The following SEMA3B variants were observed in gnomAD, a reference collection of about 807,000 sequenced individuals.
SEMA3B encodes semaphorin-3B.
SEMA3B carries 71 observed loss-of-function variants against 77.8 expected under a neutral mutation model. That is an observed-to-expected ratio of 0.91 (90% CI 0.75 to 1.11). SEMA3B has a LOEUF of 1.11. Ranked by LOEUF, SEMA3B falls within the 50% of genes most tolerant of loss-of-function variation. The pLI, the probability that SEMA3B is intolerant of heterozygous loss-of-function variation, is 0.00. For synonymous variants in SEMA3B, 470 were observed against 452.9 expected (o/e 1.04, Z -0.48); for missense variants, 968 against 1,056.8 (o/e 0.92, Z 1.17).
Position 50,276,263 on chromosome 3 carries a change from G to T in SEMA3B, c.1846-39G>T. On this transcript the variant is annotated intron_variant, in intron 16 of 16. Transcript: ENST00000616701. This position sits in a 1 kb window ranked among gnomAD's most constrained non-coding sequence, Gnocchi z 5.8. Reference sequence around the variant, plus strand: ...GCTAGGGCCCGGAAGCCCTGTTCCCGGCCCGACACCCCCGCCTCACGCTGC... The same window carrying T: ...GCTAGGGCCCGGAAGCCCTGTTCCCTGCCCGACACCCCCGCCTCACGCTGC... 6.9e-7 allele frequency: 1 copy of T among 1,441,954 alleles called. No homozygotes were observed. Among genetic ancestry groups the T allele is most frequent in the Non-Finnish European group, 9.1e-7 (1 of 1,102,136 alleles). The allele number at this position is 1,441,954 out of a possible 1,614,324, so 89.3% of individuals were successfully genotyped here.
rs1553706814 is a variant in SEMA3B at position 50,276,497 on chromosome 3, G to A, written c.2041G>A (p.Ala681Thr). 3 of 1,531,194 alleles carry A rather than the reference G, an allele frequency of 2.0e-6. No individual in the cohort carries two copies. The Admixed American group carries it at 5.9e-5, about 30-fold the overall frequency. 94.9% of individuals were successfully genotyped at this position (1,531,194 alleles called of 1,614,324 possible). A position where few individuals can be genotyped will look rare whatever the true frequency, so the allele number is the denominator to read the frequency against. ...LARAEEAAPAAPPGPKLWYRD... is the reference protein window; with the variant it reads ...LARAEEAAPATPPGPKLWYRD... ...GCGGGCCGAGGAGGCTGCGCCCGCC[G>A]CGCCGCCGGGCCCCAAACTCTGGTA... The change falls in exon 17 of 17, where the codon GCG becomes ACG. Residue 681 changes from alanine (A) to threonine (T), a missense_variant. Coordinates refer to ENST00000616701, the MANE Select transcript of SEMA3B (RefSeq NM_001290060.2). This position sits in a 1 kb window ranked among gnomAD's most constrained non-coding sequence, Gnocchi z 5.8.
chr3:50,276,669 G>C lies in SEMA3B; in HGVS notation c.2213G>C (p.Arg738Pro), dbSNP rs781871958. ...RNRRTHAPEP[R>P]AERGPRSATH... Reference sequence around the variant, plus strand: ...CGGAGGACCCACGCCCCTGAGCCTCGCGCTGAGCGGGGGCCGCGCAGCGCA... The same window carrying C: ...CGGAGGACCCACGCCCCTGAGCCTCCCGCTGAGCGGGGGCCGCGCAGCGCA... The change falls in exon 17 of 17, where the codon CGC becomes CCC. Residue 738 changes from arginine (R) to proline (P), a missense_variant. Arg to Pro is a moderately radical substitution (Grantham distance 103). Coordinates refer to ENST00000616701, the MANE Select transcript of SEMA3B (RefSeq NM_001290060.2). The surrounding 1 kb of genome is among the most constrained non-coding windows in gnomAD (Gnocchi z 5.8). 15 of 1,570,820 alleles carry C rather than the reference G, an allele frequency of 9.5e-6. No individual in the cohort carries two copies. In the Admixed American group the frequency reaches 2.8e-4, roughly 29 times the overall value.
At chr3:50,272,035 G>T (rs1701067933) in intron 6 of SEMA3B, among the ~76,000 whole-genome samples, 1 of 152,200 alleles carries the variant, frequency 6.6e-6, no homozygotes, top group Non-Finnish European at 1.5e-5. Context: ...CCAGCACTTT[G>T]GGAGGCTGAG....
chr3:50,273,908 T>G lies in SEMA3B; in HGVS notation c.993-5T>G. On this transcript the variant is annotated splice_polypyrimidine_tract_variant and splice_region_variant and intron_variant, in intron 9 of 16. Transcript: ENST00000616701. The surrounding 1 kb of genome is among the most constrained non-coding windows in gnomAD (Gnocchi z 6.5). ...CCCTCACCTCGCCCTGGTCTTCGCC[T>G]CCAGCAGCATCTTCCAGGGCTCTGC... 6.3e-7 allele frequency: 1 copy of G among 1,597,334 alleles called. No individual in the cohort carries two copies. The highest frequency in any genetic ancestry group is 1.1e-5 in the South Asian group (1 of 90,230).
In SEMA3B at chr3:50,273,530, G is replaced by A; in HGVS notation, c.811-5G>A. 4 of 1,612,214 alleles carry A rather than the reference G, an allele frequency of 2.5e-6. No individual in the cohort carries two copies. Among genetic ancestry groups the A allele is most frequent in the Non-Finnish European group, 3.4e-6 (4 of 1,178,942 alleles). ...CGCCCTCATCCCCTTTGATCGTCCC[G>A]GCAGAACGACGTGGGCGGCCAGCGC... On this transcript the variant is annotated splice_region_variant and splice_polypyrimidine_tract_variant and intron_variant, in intron 7 of 16. Coordinates refer to ENST00000616701, the MANE Select transcript of SEMA3B (RefSeq NM_001290060.2). This position sits in a 1 kb window ranked among gnomAD's most constrained non-coding sequence, Gnocchi z 6.5.
In SEMA3B at chr3:50,269,550, G is replaced by A. The variant is rs1259816244; in HGVS notation, c.109+201G>A. Among the ~76,000 whole-genome samples, 4 of 152,152 alleles carry A rather than the reference G, an allele frequency of 2.6e-5. No individual in the cohort carries two copies. Among genetic ancestry groups the A allele is most frequent in the African/African-American group, 4.8e-5 (2 of 41,416 alleles). On this transcript the variant is annotated intron_variant, in intron 1 of 16. Coordinates refer to ENST00000616701, the MANE Select transcript of SEMA3B (RefSeq NM_001290060.2). The surrounding 1 kb of genome is among the most constrained non-coding windows in gnomAD (Gnocchi z 4.0). ...CCCAGCCTCTGCCCACATTCTCTTC[G>A]TGCTTTCTCAGGAAGACCCCTCCTG...
Position 50,273,348 on chromosome 3 carries a change from G to A in SEMA3B, c.715G>A (p.Asp239Asn). The A allele has an allele frequency of 6.2e-7, 1 of 1,614,006 alleles. No individual in the cohort carries two copies. The highest frequency in any genetic ancestry group is 1.1e-5 in the South Asian group (1 of 91,090). The change falls in exon 7 of 17, where the codon GAC becomes AAC. Residue 239 changes from aspartate to asparagine, a missense_variant. Asp to Asn is a conservative substitution (Grantham distance 23, BLOSUM62 1). Transcript: ENST00000616701. The surrounding 1 kb of genome is among the most constrained non-coding windows in gnomAD (Gnocchi z 6.5). ...FWIPESENPD[D>N]DKIYFFFRET... ...GATCCCGGAGAGCGAGAACCCAGAC[G>A]ACGACAAAATCTACTTCTTCTTTCG...
chr3:50,271,645 G>A (rs906645701), intron 6 of SEMA3B, among the ~76,000 whole-genome samples, 165 bp downstream of exon 6: 7 of 152,112 alleles, frequency 4.6e-5, no homozygotes, highest in African/African-American at 1.7e-4. Flanking sequence ...AGGTATGACC[G>A]TGACCTCTTT....
Position 50,276,360 on chromosome 3 carries a change from G to A in SEMA3B, c.1904G>A (p.Arg635Gln). The change falls in exon 17 of 17, where the codon CGG becomes CAG. Residue 635 changes from arginine (R) to glutamine (Q), a missense_variant. Physicochemically the swap from Arg to Gln is conservative, Grantham distance 43. Transcript: ENST00000616701. This position sits in a 1 kb window ranked among gnomAD's most constrained non-coding sequence, Gnocchi z 5.8. ...CGGGGACTACTGCTGCGCAGGCTGC[G>A]GCGCCGGGACTCGGGCGTGTACTTG... ...TARGLLLRRL[R>Q]RRDSGVYLCA... is the part of the protein sequence containing the mutation. 1 of 1,534,084 alleles carries A rather than the reference G, an allele frequency of 6.5e-7. No homozygotes were observed. The highest frequency in any genetic ancestry group is 8.7e-7 in the Non-Finnish European group (1 of 1,144,856).
rs1701111306 is a variant in SEMA3B, at chr3:50,273,344, A to AGAC, written c.718_720dup (p.Asp240dup). On this transcript the variant is annotated inframe_insertion, in exon 7 of 17. Transcript: ENST00000616701. This position sits in a 1 kb window ranked among gnomAD's most constrained non-coding sequence, Gnocchi z 6.5. ...TTTGGATCCCGGAGAGCGAGAACCCAGACGACGACAAAATCTACTTCTTCT... is the reference window on the plus strand; with the variant it reads ...TTTGGATCCCGGAGAGCGAGAACCCAGACGACGACGACAAAATCTACTTCTTCT... 4.3e-6 allele frequency: 7 copies of AGAC among 1,614,018 alleles called. No individual in the cohort carries two copies. The highest frequency in any genetic ancestry group is 5.9e-6 in the Non-Finnish European group (7 of 1,179,876).
upstream of SEMA3B, among the ~76,000 whole-genome samples, chr3:50,264,484 C>T (rs1055635392): frequency 2.0e-5 from 3 of 152,136 alleles, no homozygotes; most frequent in Non-Finnish European, 4.4e-5. Context: ...CCAGCTAGGG[C>T]CACGGGGTCG....
chr3:50,263,450 G>C (rs1553704149), upstream of SEMA3B: 1 of 128,190 alleles, frequency 7.8e-6, no homozygotes, highest in East Asian at 2.6e-4. Context: ...TGTGGGCCAT[G>C]ATCTTGCCAC....
At chr3:50,268,487 A>G (rs1211809843), upstream of SEMA3B, among the ~76,000 whole-genome samples, 1 of 152,242 alleles carries the variant, frequency 6.6e-6, no homozygotes, top group Admixed American at 6.5e-5. Flanking sequence ...ACAGTGCCAC[A>G]TGTGTGTGCA....
rs782318681 is a variant in SEMA3B, at chr3:50,274,047, G to A, written c.1127G>A (p.Arg376Gln). Reference protein sequence around the residue: ...VSYQGRVPYPRPGMCPSKTFG... With the variant: ...VSYQGRVPYPQPGMCPSKTFG... ...TACCAGGGTCGCGTCCCCTACCCGC[G>A]GCCAGGCATGGTTCGTAGCCCAGGG... Residue 376 changes from arginine (R) to glutamine (Q), a missense_variant, in exon 10 of 17, where the codon CGG becomes CAG. Coordinates refer to ENST00000616701, the MANE Select transcript of SEMA3B (RefSeq NM_001290060.2). The surrounding 1 kb of genome is among the most constrained non-coding windows in gnomAD (Gnocchi z 4.7). 48 of 1,613,178 alleles carry A rather than the reference G, an allele frequency of 3.0e-5. No homozygotes were observed. The highest frequency in any genetic ancestry group is 3.6e-5 in the Non-Finnish European group (43 of 1,179,698).
Position 50,274,678 on chromosome 3 carries a change from T to C in SEMA3B, c.1357+96T>C. 3 of 1,437,098 alleles carry C rather than the reference T, an allele frequency of 2.1e-6. No individual in the cohort carries two copies. Among genetic ancestry groups the C allele is most frequent in the Admixed American group, 2.1e-5 (1 of 48,768 alleles). 89.0% of individuals were successfully genotyped at this position (1,437,098 alleles called of 1,614,324 possible). On this transcript the variant is annotated intron_variant, in intron 11 of 16. Transcript: ENST00000616701. The surrounding 1 kb of genome is among the most constrained non-coding windows in gnomAD (Gnocchi z 4.7). ...TGTTCAGTCCCATCTCCACATCCTTTCCTGGGCTGTGTCTCCACCCTGTGG... is the reference window on the plus strand; with the variant it reads ...TGTTCAGTCCCATCTCCACATCCTTCCCTGGGCTGTGTCTCCACCCTGTGG...
Position 50,275,994 on chromosome 3 carries a change from A to C in SEMA3B, c.1845+150A>C. The C allele has an allele frequency of 8.9e-7, 1 of 1,123,362 alleles. No homozygotes were observed. The highest frequency in any genetic ancestry group is 1.2e-6 in the Non-Finnish European group (1 of 817,694). The allele number at this position is 1,123,362 out of a possible 1,614,324, so 69.6% of individuals were successfully genotyped here. A position where few individuals can be genotyped will look rare whatever the true frequency, so the allele number is the denominator to read the frequency against. On this transcript the variant is annotated intron_variant, in intron 16 of 16. Coordinates refer to ENST00000616701, the MANE Select transcript of SEMA3B (RefSeq NM_001290060.2). The surrounding 1 kb of genome is among the most constrained non-coding windows in gnomAD (Gnocchi z 7.5). ...CTCACCTGCACTCCACAAGCTGCTG[A>C]GGCCCCATTGCGTCCAACGGGGCTC...
rs1701105894 is a variant in SEMA3B, at chr3:50,273,175, G to A, written c.665-123G>A. ...CCAACTGGACATGGTGCTAGAGGTT[G>A]GGTGGTCAGACACTGTGATCCCGGG... On this transcript the variant is annotated intron_variant, in intron 6 of 16. Coordinates refer to ENST00000616701, the MANE Select transcript of SEMA3B (RefSeq NM_001290060.2). The surrounding 1 kb of genome is among the most constrained non-coding windows in gnomAD (Gnocchi z 6.5). The A allele has an allele frequency of 7.2e-7, 1 of 1,382,178 alleles. No individual in the cohort carries two copies. Among genetic ancestry groups the A allele is most frequent in the South Asian group, 1.4e-5 (1 of 69,650 alleles). The allele number at this position is 1,382,178 out of a possible 1,614,324, so 85.6% of individuals were successfully genotyped here. A position where few individuals can be genotyped will look rare whatever the true frequency, so the allele number is the denominator to read the frequency against.
In SEMA3B at chr3:50,275,191, G is replaced by A. The variant is rs1180753676; in HGVS notation, c.1492-111G>A. The A allele has an allele frequency of 3.0e-5, 44 of 1,457,832 alleles. No individual in the cohort carries two copies. The highest frequency in any genetic ancestry group is 3.6e-5 in the Non-Finnish European group (40 of 1,099,176). The allele number at this position is 1,457,832 out of a possible 1,614,324, so 90.3% of individuals were successfully genotyped here. The stretch of plus-strand genomic sequence containing the variant: ...GGCTTTGTTAGACTGTGTGACCTGA[G>A]GCGTAAGACCTCAGTGTTCCCATCT... On this transcript the variant is annotated intron_variant, in intron 13 of 16. Transcript: ENST00000616701. This position sits in a 1 kb window ranked among gnomAD's most constrained non-coding sequence, Gnocchi z 7.5.
chr3:50,273,261 C>A lies in SEMA3B; in HGVS notation c.665-37C>A, dbSNP rs1553705700. On this transcript the variant is annotated intron_variant, in intron 6 of 16. Transcript: ENST00000616701. This position sits in a 1 kb window ranked among gnomAD's most constrained non-coding sequence, Gnocchi z 6.5. ...GTGGGTCTCGCATCAGGAGGCAAGG[C>A]CAGGACCCGCTGACCCATGCCTCCT... is the stretch of plus-strand genomic sequence containing the variant. 1 of 1,598,920 alleles carries A rather than the reference C, an allele frequency of 6.3e-7. No individual in the cohort carries two copies. The highest frequency in any genetic ancestry group is 8.5e-7 in the Non-Finnish European group (1 of 1,172,390).
Sources: gnomAD v4.1 joint callset for allele counts (sites outside exome capture counted in the v4.1 genomes callset) on GRCh38, gnomAD v4.1.1 for gene constraint, Gnocchi (gnomAD v3.1) non-coding constraint, MANE v1.5 for transcripts, NCBI Gene and HGNC (gene_info 2026-07-23, HGNC 2026-07-21) for gene names.